SSR1: variants seen among roughly 807,000 people sequenced by gnomAD.
SSR1 encodes translocon-associated protein subunit alpha.
In SSR1, 13 loss-of-function variants were observed where a neutral mutation model predicts 36.1. The observed-to-expected ratio is 0.36, with a 90% CI of 0.23 to 0.57. The LOEUF (loss-of-function observed/expected upper bound fraction) is 0.57. Ranked by LOEUF, SSR1 falls within the 20% of genes least tolerant of loss-of-function variation. The pLI, the probability that SSR1 is intolerant of heterozygous loss-of-function variation, is 0.81. For synonymous variants in SSR1, 113 were observed against 118.9 expected, an observed-to-expected ratio of 0.95 and a Z score of 0.32; for missense variants, 291 against 338.5, an observed-to-expected ratio of 0.86 and a Z score of 1.10.
intron 7 of SSR1, among the ~76,000 whole-genome samples, chr6:7,293,776 C>G (rs1295673136): frequency 2.0e-5 from 3 of 152,050 alleles, no homozygotes; most frequent in Non-Finnish European, 4.4e-5. Flanking sequence ...TACCGAGGGT[C>G]AATTATATTG....
intron 2 of SSR1, 149 bp downstream of exon 2, chr6:7,309,768 G>C: frequency 3.0e-6 from 2 of 671,560 alleles, no homozygotes; most frequent in Non-Finnish European, 5.2e-6. Flanking sequence ...AGTTTCCTGA[G>C]GCCTCCCCAG....
rs1017134954 is a variant in SSR1, at chr6:7,281,218, A to T, written c.*8646T>A. 2.3e-5 allele frequency: 3 copies of T among 132,112 alleles called. No homozygotes were observed. Among genetic ancestry groups the T allele is most frequent in the East Asian group, 4.8e-4 (2 of 4,204 alleles). The allele number at this position is 132,112 out of a possible 1,614,324, so 8.2% of individuals were successfully genotyped here. On this transcript the variant is annotated 3_prime_UTR_variant, in exon 8 of 8. Coordinates refer to ENST00000244763, the MANE Select transcript of SSR1 (RefSeq NM_003144.5). ...TTTGACAGGACAGCAGACTAGTTCA[A>T]GCAGGAGGTTAGACCAGTAACAACA...
chr6:7,312,353 C>A (rs3799522), intron 1 of SSR1, among the ~76,000 whole-genome samples: 46,403 of 151,908 alleles, frequency 0.31, 7,855 homozygotes, highest in African/African-American at 0.46. Flanking sequence ...CATGGAAAGA[C>A]AAGAAGAGGA....
intron 7 of SSR1, chr6:7,295,144 A>G: frequency 6.6e-7 from 1 of 1,511,054 alleles, no homozygotes; most frequent in Non-Finnish European, 8.8e-7. Context: ...TGGATTAGGA[A>G]CACAGAAAAT....
chr6:7,303,070 C>T (rs1293793937), intron 3 of SSR1, among the ~76,000 whole-genome samples: 7 of 128,738 alleles, frequency 5.4e-5, no homozygotes, highest in Admixed American at 2.8e-4. Context: ...CGGGAGGCCT[C>T]GGAGGTTGCA....
intron 1 of SSR1, among the ~76,000 whole-genome samples, chr6:7,310,941 C>T (rs1287569805): frequency 6.6e-6 from 1 of 152,056 alleles, no homozygotes; most frequent in Non-Finnish European, 1.5e-5. Flanking sequence ...ATAAAGCATT[C>T]TTAAGTTCTA....
rs116062362 is a variant in SSR1, at chr6:7,284,284, G to C, written c.*5580C>G. On this transcript the variant is annotated 3_prime_UTR_variant, in exon 8 of 8. Coordinates refer to ENST00000244763, the MANE Select transcript of SSR1 (RefSeq NM_003144.5). ...TTTAAAAAGAACTGGATGTGCAGGT[G>C]TAAGAGATTTATTACAAAACAAAAA... is the stretch of plus-strand genomic sequence containing the variant. The C allele has an allele frequency of 6.6e-6, 1 of 152,128 alleles. No individual in the cohort carries two copies. Among genetic ancestry groups the C allele is most frequent in the Non-Finnish European group, 1.5e-5 (1 of 68,038 alleles). 9.4% of individuals were successfully genotyped at this position (152,128 alleles called of 1,614,324 possible).
In SSR1 at chr6:7,282,731, C is replaced by T. The variant is rs1401063566; in HGVS notation, c.*7133G>A. The T allele has an allele frequency of 1.3e-5, 2 of 152,270 alleles. No individual in the cohort carries two copies. The highest frequency in any genetic ancestry group is 2.9e-5 in the Non-Finnish European group (2 of 68,064). The allele number at this position is 152,270 out of a possible 1,614,324, so 9.4% of individuals were successfully genotyped here. A position where few individuals can be genotyped will look rare whatever the true frequency, so the allele number is the denominator to read the frequency against. On this transcript the variant is annotated 3_prime_UTR_variant, in exon 8 of 8. Transcript: ENST00000244763. ...AGTGACCTTTTGGCCACTGCTGTGT[C>T]TGCAGGCTCAGCCTCCTCTAGATCT...
At chr6:7,293,352 C>T (rs998711936) in intron 7 of SSR1, among the ~76,000 whole-genome samples, 5 of 152,016 alleles carry the variant, frequency 3.3e-5, no homozygotes, top group Admixed American at 6.6e-5. Context: ...CCCCCTCCTA[C>T]CCTTCCCCGA....
chr6:7,309,605 G>T (rs1034904232), intron 2 of SSR1, among the ~76,000 whole-genome samples: 7 of 152,158 alleles, frequency 4.6e-5, no homozygotes, highest in African/African-American at 1.7e-4. Context: ...TGAATCACGG[G>T]GACGGTTACC....
intron 7 of SSR1, among the ~76,000 whole-genome samples, chr6:7,293,046 T>G (rs1360905986): frequency 6.6e-6 from 1 of 152,128 alleles, no homozygotes; most frequent in Admixed American, 6.6e-5. Context: ...GTTCCAGGAC[T>G]ACTCCCCCAC....
chr6:7,286,959 T>G lies in SSR1; in HGVS notation c.*2905A>C, dbSNP rs566873856. ...AAAAAGTACTATGGAAGTACTTAAGTACATCTGAAAATGTTTTTAAATTTA... is the reference window on the plus strand; with the variant it reads ...AAAAAGTACTATGGAAGTACTTAAGGACATCTGAAAATGTTTTTAAATTTA... On this transcript the variant is annotated 3_prime_UTR_variant, in exon 8 of 8. Coordinates refer to ENST00000244763, the MANE Select transcript of SSR1 (RefSeq NM_003144.5). 95 of 146,560 alleles carry G rather than the reference T, an allele frequency of 6.5e-4. No homozygotes were observed. The highest frequency in any genetic ancestry group is 2.2e-3 in the African/African-American group (88 of 39,636). 9.1% of individuals were successfully genotyped at this position (146,560 alleles called of 1,614,324 possible).
In SSR1 at chr6:7,284,496, T is replaced by A. The variant is rs539417560; in HGVS notation, c.*5368A>T. 6.6e-6 allele frequency: 1 copy of A among 152,342 alleles called. No homozygotes were observed. Among genetic ancestry groups the A allele is most frequent in the African/African-American group, 2.4e-5 (1 of 41,576 alleles). 9.4% of individuals were successfully genotyped at this position (152,342 alleles called of 1,614,324 possible). ...GTACCATATACTCTTCCCCGCCCCATGCTTCATGGGATGTTATTACAGTAT... is the reference window on the plus strand; with the variant it reads ...GTACCATATACTCTTCCCCGCCCCAAGCTTCATGGGATGTTATTACAGTAT... On this transcript the variant is annotated 3_prime_UTR_variant, in exon 8 of 8. Transcript: ENST00000244763.
At chr6:7,293,144 G>A (rs1259633762) in intron 7 of SSR1, among the ~76,000 whole-genome samples, 2 of 150,798 alleles carry the variant, frequency 1.3e-5, no homozygotes, top group Non-Finnish European at 3.0e-5. Context: ...CTGTACTTAG[G>A]TTTGGTATCC....
rs1757622336 is a variant in SSR1, at chr6:7,289,224, T to G, written c.*640A>C. On this transcript the variant is annotated 3_prime_UTR_variant, in exon 8 of 8. Coordinates refer to ENST00000244763, the MANE Select transcript of SSR1 (RefSeq NM_003144.5). ...TCATATATTAAAGTCAGCAGAAATT[T>G]CATGTTTCACAATTTGTTGCCAGAG... 6.6e-6 allele frequency: 1 copy of G among 152,242 alleles called. No individual in the cohort carries two copies. Among genetic ancestry groups the G allele is most frequent in the South Asian group, 2.1e-4 (1 of 4,832 alleles). The allele number at this position is 152,242 out of a possible 1,614,324, so 9.4% of individuals were successfully genotyped here.
chr6:7,299,209 G>T (rs57918174), intron 4 of SSR1, among the ~76,000 whole-genome samples: 1 of 152,146 alleles, frequency 6.6e-6, no homozygotes, highest in African/African-American at 2.4e-5. Flanking sequence ...GGGTGGTGGT[G>T]TGAGGACCCA....
chr6:7,301,612 G>GA, intron 3 of SSR1, 40 bp from the exon 4 acceptor site: 4 of 1,563,666 alleles, frequency 2.6e-6, no homozygotes, highest in Non-Finnish European at 3.4e-6. Context: ...AGAACACATG[G>GA]AAAGAGCACA....
Position 7,286,909 on chromosome 6 carries a change from CAG to C in SSR1, c.*2953_*2954del, listed in dbSNP as rs1445799925. Reference sequence around the variant, plus strand: ...CCTGGGTGACACAGAGACTCCGTCTCAGGGGGCAAAAAAAAAAAAAAAAAAAA... The same window carrying C: ...CCTGGGTGACACAGAGACTCCGTCTCGGGGCAAAAAAAAAAAAAAAAAAAA... On this transcript the variant is annotated 3_prime_UTR_variant, in exon 8 of 8. Transcript: ENST00000244763. The C allele has an allele frequency of 1.0e-3, 65 of 62,692 alleles. 2 individuals are homozygous for C. Among genetic ancestry groups the C allele is most frequent in the Non-Finnish European group, 2.8e-5 (1 of 35,268 alleles). 3.9% of individuals were successfully genotyped at this position (62,692 alleles called of 1,614,324 possible).
At chr6:7,292,074 A>T in intron 7 of SSR1, among the ~76,000 whole-genome samples, 1 of 151,244 alleles carries the variant, frequency 6.6e-6, no homozygotes, top group East Asian at 1.9e-4. Context: ...GTCTCAAAAG[A>T]AAAAAAAACA....
Sources: allele counts gnomAD v4.1 joint callset (sites outside exome capture counted in the v4.1 genomes callset), GRCh38; gene constraint gnomAD v4.1.1; transcripts MANE v1.5; gene names NCBI Gene and HGNC (gene_info 2026-07-23, HGNC 2026-07-21).